Variants in CBLB observed in about 807,000 individuals in gnomAD.
The protein encoded by CBLB is E3 ubiquitin-protein ligase CBL-B.
In CBLB, 31 loss-of-function variants were observed where a neutral mutation model predicts 104.9. That is an observed-to-expected ratio of 0.30 (90% CI 0.22 to 0.40). CBLB has a LOEUF of 0.40. CBLB is among the 10% of genes least tolerant of loss of function. The pLI is 1.00. For synonymous variants in CBLB, 440 were observed against 422.6 expected, an observed-to-expected ratio of 1.04 and a Z score of -0.51; for missense variants, 1,062 against 1,214.6, an observed-to-expected ratio of 0.87 and a Z score of 1.87.
intron 4 of CBLB, among the ~76,000 whole-genome samples, chr3:105,763,849 G>A (rs1228749867): frequency 6.6e-6 from 1 of 152,198 alleles, no homozygotes; most frequent in Non-Finnish European, 1.5e-5. Flanking sequence ...GACTGGGTCA[G>A]AGTCAAAGGA....
chr3:105,808,523 T>G (rs868025940), intron 3 of CBLB, among the ~76,000 whole-genome samples: 1 of 152,194 alleles, frequency 6.6e-6, no homozygotes, highest in African/African-American at 2.4e-5. Flanking sequence ...CATTACACTA[T>G]ATTTATCCAA....
At chr3:105,678,021 T>C (rs2065862263) in intron 17 of CBLB, among the ~76,000 whole-genome samples, 1 of 152,164 alleles carries the variant, frequency 6.6e-6, no homozygotes, top group African/African-American at 2.4e-5. Context: ...AACAAAATTA[T>C]GACACTAAGG....
chr3:105,714,901 C>T (rs16851503), intron 10 of CBLB, among the ~76,000 whole-genome samples: 2,033 of 152,242 alleles, frequency 0.013, 49 homozygotes, highest in African/African-American at 0.045. Flanking sequence ...TGTTCATACC[C>T]ATTTTTGTTC....
chr3:105,813,683 G>T (rs2084622207), intron 3 of CBLB, among the ~76,000 whole-genome samples: 1 of 152,068 alleles, frequency 6.6e-6, no homozygotes, highest in Admixed American at 6.6e-5. Flanking sequence ...AGAAATATTA[G>T]ATATATATTT....
chr3:105,773,572 CA>C (rs2079112447), intron 4 of CBLB, among the ~76,000 whole-genome samples: 1 of 152,168 alleles, frequency 6.6e-6, no homozygotes. Flanking sequence ...AAATGACTGT[CA>C]CCCAGAGTCT....
intron 3 of CBLB, among the ~76,000 whole-genome samples, chr3:105,832,176 T>C (rs2087640555): frequency 6.6e-6 from 1 of 152,186 alleles, no homozygotes; most frequent in South Asian, 2.1e-4. Flanking sequence ...AAGATTCCCA[T>C]ATACAATATA....
At chr3:105,820,558 T>C (rs1016246072) in intron 3 of CBLB, among the ~76,000 whole-genome samples, 4 of 152,196 alleles carry the variant, frequency 2.6e-5, no homozygotes, top group Admixed American at 6.5e-5. Context: ...CTGCCACTCA[T>C]TCCTTCTTTG....
intron 3 of CBLB, among the ~76,000 whole-genome samples, chr3:105,781,077 A>G (rs1056628108): frequency 2.6e-5 from 4 of 152,188 alleles, no homozygotes; most frequent in South Asian, 2.1e-4. Context: ...AAGAAGAAAG[A>G]AGGAGGGAGG....
intron 3 of CBLB, among the ~76,000 whole-genome samples, chr3:105,786,487 A>G (rs2081044173): frequency 6.6e-6 from 1 of 152,146 alleles, no homozygotes; most frequent in Non-Finnish European, 1.5e-5. Context: ...TGGGGCACTC[A>G]AGCCAAACCA....
chr3:105,673,124 A>G (rs1376585845), intron 17 of CBLB: 2 of 138,796 alleles, frequency 1.4e-5, no homozygotes, highest in African/African-American at 5.5e-5. Context: ...GCTGGAGTGG[A>G]GTGGTTCAAT....
chr3:105,745,074 T>C (rs539329420), intron 6 of CBLB, among the ~76,000 whole-genome samples: 3 of 152,326 alleles, frequency 2.0e-5, no homozygotes, highest in African/African-American at 2.4e-5. Flanking sequence ...ATGTTCTCTA[T>C]ATGAAAATCA....
intron 18 of CBLB, among the ~76,000 whole-genome samples, chr3:105,663,471 C>A (rs9873552): frequency 0.22 from 33,490 of 151,980 alleles, 3,804 homozygotes; most frequent in Admixed American, 0.26. Context: ...TAATCAAAAG[C>A]AACACTTGTG....
intron 3 of CBLB, among the ~76,000 whole-genome samples, chr3:105,829,955 C>T (rs865889530): frequency 1.3e-5 from 2 of 152,078 alleles, no homozygotes; most frequent in South Asian, 2.1e-4. Flanking sequence ...TTAGTCAGCA[C>T]ATGTATAAAC....
intron 3 of CBLB, among the ~76,000 whole-genome samples, chr3:105,809,304 T>C (rs1459776199): frequency 1.3e-5 from 2 of 152,218 alleles, no homozygotes; most frequent in African/African-American, 4.8e-5. Context: ...TTGAGTTTCA[T>C]CATAGGAGAT....
chr3:105,854,877 C>T (rs558326071), intron 2 of CBLB, among the ~76,000 whole-genome samples: 4 of 152,100 alleles, frequency 2.6e-5, no homozygotes, highest in African/African-American at 7.2e-5. Context: ...GTGATCCACC[C>T]GCCTCGGCCT....
chr3:105,841,403 G>T (rs1161846301), intron 3 of CBLB, among the ~76,000 whole-genome samples: 1 of 151,574 alleles, frequency 6.6e-6, no homozygotes, highest in Non-Finnish European at 1.5e-5. Flanking sequence ...ATACATATTA[G>T]ATATATCAAA....
intron 12 of CBLB, among the ~76,000 whole-genome samples, chr3:105,695,219 T>C (rs572120554): frequency 4.1e-4 from 63 of 151,990 alleles, no homozygotes; most frequent in African/African-American, 1.4e-3. Context: ...CATAGATAGA[T>C]GCTTAATAAA....
At chr3:105,683,870 AT>A (rs1382804711) in intron 14 of CBLB, among the ~76,000 whole-genome samples, 1 of 152,230 alleles carries the variant, frequency 6.6e-6, no homozygotes, top group Non-Finnish European at 1.5e-5. Flanking sequence ...GCTGTAGACT[AT>A]TAACAATTCT....
At chr3:105,792,878 G>A (rs1343829717) in intron 3 of CBLB, among the ~76,000 whole-genome samples, 2 of 151,920 alleles carry the variant, frequency 1.3e-5, no homozygotes, top group Admixed American at 6.6e-5. Flanking sequence ...CTATCCTTAA[G>A]GTCAGGAAAG....
Sources: gnomAD v4.1 joint callset for allele counts (sites outside exome capture counted in the v4.1 genomes callset) on GRCh38, gnomAD v4.1.1 for gene constraint, MANE v1.5 for transcripts, NCBI Gene and HGNC (gene_info 2026-07-23, HGNC 2026-07-21) for gene names.